RNF220: variants seen among roughly 807,000 people sequenced by gnomAD.
RNF220 encodes E3 ubiquitin-protein ligase RNF220.
RNF220 carries 7 observed loss-of-function variants against 67.1 expected under a neutral mutation model. The observed-to-expected ratio is 0.10, with a 90% CI of 0.06 to 0.20. The LOEUF is 0.20. Ranked by LOEUF, RNF220 falls within the 10% of genes least tolerant of loss-of-function variation. The pLI, the probability that RNF220 is intolerant of heterozygous loss-of-function variation, is 1.00. For synonymous variants in RNF220, 270 were observed against 283.2 expected (o/e 0.95, Z 0.47); for missense variants, 565 against 740.3 (o/e 0.76, Z 2.75).
At chr1:44,490,758 A>G (rs183798672) in intron 2 of RNF220, among the ~76,000 whole-genome samples, 8 of 152,228 alleles carry the variant, frequency 5.3e-5, no homozygotes, top group Admixed American at 2.0e-4. Flanking sequence ...TAAATGAAAT[A>G]TAGAATTGAA....
intron 2 of RNF220, among the ~76,000 whole-genome samples, chr1:44,463,680 G>T (rs972022383): frequency 6.6e-5 from 10 of 152,128 alleles, no homozygotes; most frequent in African/African-American, 2.2e-4. Context: ...CCAAACTATA[G>T]ACAATTGGTG....
chr1:44,472,640 G>A (rs973879561), intron 2 of RNF220, among the ~76,000 whole-genome samples: 2 of 152,204 alleles, frequency 1.3e-5, no homozygotes, highest in South Asian at 2.1e-4. Flanking sequence ...ACATTTCTGA[G>A]TGTGCCACAC....
chr1:44,635,642 G>A, intron 7 of RNF220, 54 bp downstream of exon 7: 1 of 1,614,010 alleles, frequency 6.2e-7, no homozygotes, highest in South Asian at 1.1e-5. Context: ...AGATGAGTAG[G>A]CATGTGGAGC....
chr1:44,426,980 G>A (rs548663966), intron 2 of RNF220, among the ~76,000 whole-genome samples: 1 of 152,274 alleles, frequency 6.6e-6, no homozygotes, highest in African/African-American at 2.4e-5. Context: ...TGAAATGACT[G>A]CAAGCAAAGA....
intron 2 of RNF220, among the ~76,000 whole-genome samples, chr1:44,479,373 C>T (rs186064637): frequency 2.4e-4 from 37 of 152,234 alleles, no homozygotes; most frequent in Non-Finnish European, 4.4e-4. Context: ...ACCTCAGCCT[C>T]CCAAAGTGCT....
At chr1:44,454,861 T>C (rs1376504768) in intron 2 of RNF220, among the ~76,000 whole-genome samples, 2 of 152,144 alleles carry the variant, frequency 1.3e-5, no homozygotes, top group Non-Finnish European at 2.9e-5. Flanking sequence ...TTGTTTCCTG[T>C]TTTGGTAGTT....
rs778534972 is a variant in RNF220 at position 44,649,893 on chromosome 1, C to T, written c.1565C>T (p.Ser522Leu). Residue 522 changes from serine (S) to leucine (L), a missense_variant, in exon 14 of 15, where the codon TCG becomes TTG. Ser to Leu is a moderately radical substitution (Grantham distance 145). Transcript: ENST00000361799. This position sits in a 1 kb window ranked among gnomAD's most constrained non-coding sequence, Gnocchi z 5.9. ...CCCCCTCCTCCCTAGGACTCGTACT[C>T]GATGCCCCTAACGTCCATCCAGTGT... The part of the protein sequence containing the change: ...YKCLICMDSY[S>L]MPLTSIQCWH... The T allele has an allele frequency of 5.0e-6, 8 of 1,614,056 alleles. No homozygotes were observed. Among genetic ancestry groups the T allele is most frequent in the South Asian group, 3.3e-5 (3 of 91,088 alleles).
intron 2 of RNF220, among the ~76,000 whole-genome samples, chr1:44,475,614 T>G (rs892773176): frequency 6.6e-6 from 1 of 151,456 alleles, no homozygotes; most frequent in Non-Finnish European, 1.5e-5. Context: ...TATATCTCTG[T>G]TTAATGATAT....
intron 2 of RNF220, among the ~76,000 whole-genome samples, chr1:44,451,197 A>G (rs1224451230): frequency 6.6e-6 from 1 of 151,880 alleles, no homozygotes; most frequent in African/African-American, 2.4e-5. Flanking sequence ...AGAAAAAGAA[A>G]AAAAAAAAAA....
intron 2 of RNF220, among the ~76,000 whole-genome samples, chr1:44,591,004 C>A (rs1408135100): frequency 2.0e-5 from 3 of 152,174 alleles, no homozygotes; most frequent in Non-Finnish European, 4.4e-5. Flanking sequence ...TCTTATCACC[C>A]AGGCTGGAGT....
intron 5 of RNF220, 24 bp from the exon 6 acceptor site, chr1:44,632,319 C>G (rs199845330): frequency 2.5e-6 from 4 of 1,614,026 alleles, no homozygotes; most frequent in Non-Finnish European, 3.4e-6. Context: ...TCTTTTCTTG[C>G]ATCTGCCCGC....
In RNF220 at chr1:44,649,536, A is replaced by AG; in HGVS notation, c.1446-120dup. On this transcript the variant is annotated intron_variant, in intron 12 of 14. Coordinates refer to ENST00000361799, the MANE Select transcript of RNF220 (RefSeq NM_018150.4). The surrounding 1 kb of genome is among the most constrained non-coding windows in gnomAD (Gnocchi z 5.9). ...TTTGCAGATTCAGGTTATCAGAGAA[A>AG]GGGGGCAGGCAGGGATGCCTAGGGG... The AG allele has an allele frequency of 1.2e-6, 1 of 822,646 alleles. No individual in the cohort carries two copies. 51.0% of individuals were successfully genotyped at this position (822,646 alleles called of 1,614,324 possible).
chr1:44,580,868 G>A (rs545939799), intron 2 of RNF220, among the ~76,000 whole-genome samples: 4 of 152,342 alleles, frequency 2.6e-5, no homozygotes, highest in Non-Finnish European at 4.4e-5. Context: ...ACTGAGGAGT[G>A]GACAGTGGCA....
chr1:44,470,015 C>T (rs936668960), intron 2 of RNF220, among the ~76,000 whole-genome samples: 1 of 131,690 alleles, frequency 7.6e-6, no homozygotes, highest in African/African-American at 3.0e-5. Context: ...ATCAGAGTCA[C>T]ATTTGAAACT....
At chr1:44,406,932 G>A (rs1647395986) in intron 1 of RNF220, among the ~76,000 whole-genome samples, 1 of 152,248 alleles carries the variant, frequency 6.6e-6, no homozygotes, top group Non-Finnish European at 1.5e-5. Flanking sequence ...AGGGCGCGCA[G>A]GAGTCCCGAA....
intron 8 of RNF220, among the ~76,000 whole-genome samples, chr1:44,638,965 G>A (rs540268023): frequency 1.3e-5 from 2 of 152,308 alleles, no homozygotes; most frequent in East Asian, 1.9e-4. Context: ...GTGTGTCTAA[G>A]TTGTTGATTG....
intron 3 of RNF220, among the ~76,000 whole-genome samples, chr1:44,616,601 G>A (rs1025328642): frequency 2.8e-5 from 4 of 141,522 alleles, no homozygotes; most frequent in Admixed American, 7.1e-5. Context: ...CCTACCCCCC[G>A]CCCACACACA....
rs890967422 is a variant in RNF220, at chr1:44,417,910, A to G, written c.625+5188A>G. Among the ~76,000 whole-genome samples, 2 of 151,538 alleles carry G rather than the reference A, an allele frequency of 1.3e-5. No homozygotes were observed. The highest frequency in any genetic ancestry group is 2.9e-5 in the Non-Finnish European group (2 of 67,900). ...GGTGATCTCGCCGTCGCTCTGCAGC[A>G]CTTGGAGGCCGCAGGAGGACTCCGC... On this transcript the variant is annotated intron_variant, in intron 2 of 14. Coordinates refer to ENST00000361799, the MANE Select transcript of RNF220 (RefSeq NM_018150.4). This position sits in a 1 kb window ranked among gnomAD's most constrained non-coding sequence, Gnocchi z 4.0.
At chr1:44,405,719 T>C (rs1212425229) in intron 1 of RNF220, among the ~76,000 whole-genome samples, 189 bp downstream of exon 1, 1 of 151,676 alleles carries the variant, frequency 6.6e-6, no homozygotes, top group Non-Finnish European at 1.5e-5. Context: ...CGACGGAGCC[T>C]CTCGGCATCG....
Sources: allele counts gnomAD v4.1 joint callset (sites outside exome capture counted in the v4.1 genomes callset), GRCh38; gene constraint gnomAD v4.1.1; non-coding constraint Gnocchi (gnomAD v3.1); transcripts MANE v1.5; gene names NCBI Gene and HGNC (gene_info 2026-07-23, HGNC 2026-07-21).